The following OPA1 variants were observed in gnomAD, a reference collection of about 807,000 sequenced individuals.
The protein encoded by OPA1 is OPA1 mitochondrial dynamin like GTPase, also known as dynamin-like GTPase OPA1, mitochondrial.
In OPA1, 59 loss-of-function variants were observed where a neutral mutation model predicts 152.9. The observed-to-expected ratio is 0.39, with a 90% confidence interval of 0.31 to 0.48. The LOEUF (loss-of-function observed/expected upper bound fraction) is 0.48, where lower values mean the gene tolerates loss of function less well. Among genes scored for constraint, OPA1 ranks in the 20% least tolerant of loss-of-function variants. OPA1 has a pLI of 0.96. For synonymous variants in OPA1, 400 were observed against 389.9 expected, an observed-to-expected ratio of 1.03 and a Z score of -0.31; for missense variants, 1,008 against 1,216.8, an observed-to-expected ratio of 0.83 and a Z score of 2.55.
chr3:193,685,350 A>T (rs1233661209), intron 29 of OPA1, among the ~76,000 whole-genome samples: 1 of 151,696 alleles, frequency 6.6e-6, no homozygotes, highest in Non-Finnish European at 1.5e-5. Flanking sequence ...GGAGTTTTTT[A>T]TATATTCAGC....
chr3:193,673,119 A>G (rs1314130151), intron 29 of OPA1, among the ~76,000 whole-genome samples: 3 of 152,184 alleles, frequency 2.0e-5, no homozygotes, highest in South Asian at 2.1e-4. Flanking sequence ...ACTCGTAGGT[A>G]GTAGATGCTG....
intron 7 of OPA1, among the ~76,000 whole-genome samples, chr3:193,629,823 A>G (rs1177724106): frequency 6.6e-6 from 1 of 152,114 alleles, no homozygotes; most frequent in Non-Finnish European, 1.5e-5. Flanking sequence ...TTAGTTTTTA[A>G]GTTATTGCCC....
At chr3:193,656,610 A>C (rs940951749) in intron 22 of OPA1, among the ~76,000 whole-genome samples, 18 of 152,204 alleles carry the variant, frequency 1.2e-4, no homozygotes, top group African/African-American at 4.3e-4. Context: ...GCAGTGTGAA[A>C]GAAGCAGTCA....
chr3:193,637,823 A>G (rs1733179471), intron 10 of OPA1, 129 bp from the exon 11 acceptor site: 1 of 787,132 alleles, frequency 1.3e-6, no homozygotes, highest in South Asian at 1.5e-5. Context: ...TTTTTTACGG[A>G]TTTTAAAATA....
intron 22 of OPA1, among the ~76,000 whole-genome samples, chr3:193,655,950 A>G (rs1279112248): frequency 6.6e-6 from 1 of 152,092 alleles, no homozygotes; most frequent in Non-Finnish European, 1.5e-5. Flanking sequence ...CCCCTTTCCT[A>G]TCTTGCTCCA....
At chr3:193,627,494 C>T (rs1445965494) in intron 7 of OPA1, among the ~76,000 whole-genome samples, 1 of 152,148 alleles carries the variant, frequency 6.6e-6, no homozygotes, top group African/African-American at 2.4e-5. Flanking sequence ...GGCTGAGCCA[C>T]CTATACTTTA....
intron 6 of OPA1, among the ~76,000 whole-genome samples, chr3:193,620,327 G>A (rs76030907): frequency 0.03 from 4,586 of 152,234 alleles, 66 homozygotes; most frequent in African/African-American, 0.035. Flanking sequence ...ACCTGTCTCA[G>A]GGCCTGACTC....
At chr3:193,616,999 G>A (rs578063634) in intron 3 of OPA1, among the ~76,000 whole-genome samples, 179 bp from the exon 4 acceptor site, 30 of 152,294 alleles carry the variant, frequency 2.0e-4, no homozygotes, top group Non-Finnish European at 4.1e-4. Flanking sequence ...GCTGGAACCC[G>A]GGCTCCTCCA....
Position 193,642,790 on chromosome 3 carries a change from A to G in OPA1, c.1175A>G (p.His392Arg), listed in dbSNP as rs763830900. 6.2e-7 allele frequency: 1 copy of G among 1,613,432 alleles called. No individual in the cohort carries two copies. The highest frequency in any genetic ancestry group is 8.5e-7 in the Non-Finnish European group (1 of 1,179,396). Residue 392 changes from histidine to arginine, a missense_variant, in exon 12 of 31, where the codon CAT becomes CGT. By Grantham distance (29) the His-to-Arg change is conservative (BLOSUM62 0). This residue lies in a region of OPA1 where 213 missense variants were observed against 291.4 expected (regional missense o/e 0.73). Transcript: ENST00000361510. ...GTGACTCTGAGTGAAGGTCCTCACC[A>G]TGTGGCCCTATTTAAAGATAGTTCT... ...VKVTLSEGPH[H>R]VALFKDSSRE... is the part of the protein sequence containing the mutation.
chr3:193,660,906 A>G (rs1715125351), intron 25 of OPA1, among the ~76,000 whole-genome samples: 1 of 152,210 alleles, frequency 6.6e-6, no homozygotes, highest in Non-Finnish European at 1.5e-5. Context: ...TGATAGAGGA[A>G]GATGCATTGA....
chr3:193,599,978 C>T (rs1726215552), intron 1 of OPA1, among the ~76,000 whole-genome samples: 1 of 152,244 alleles, frequency 6.6e-6, no homozygotes, highest in Non-Finnish European at 1.5e-5. Context: ...GAACACTCAG[C>T]AGTCTATGAG....
chr3:193,624,285 C>G (rs12633929), intron 6 of OPA1: 16 of 152,290 alleles, frequency 1.1e-4, no homozygotes, highest in Admixed American at 9.8e-4. Context: ...CTCACTATTG[C>G]TCTTGACTAG....
In OPA1 at chr3:193,647,141, G is replaced by A. The variant is rs2109070417; in HGVS notation, c.1831G>A (p.Val611Ile). The A allele has an allele frequency of 6.2e-7, 1 of 1,613,366 alleles. No individual in the cohort carries two copies. ...AGTATCAGACTGCTTTTGGAAAATG[G>A]TACGAGAGTCTGTTGAACAACAGGC... ...LAVSDCFWKMVRESVEQQADS... is the reference protein window; with the variant it reads ...LAVSDCFWKMIRESVEQQADS... The change falls in exon 19 of 31, where the codon GTA becomes ATA. Residue 611 changes from valine (V) to isoleucine (I), a missense_variant. Physicochemically the swap from Val to Ile is conservative, Grantham distance 29. Transcript: ENST00000361510.
At chr3:193,635,315 T>C in intron 8 of OPA1, 103 bp from the exon 9 acceptor site, 1 of 686,962 alleles carries the variant, frequency 1.5e-6, no homozygotes, top group South Asian at 1.7e-5. Context: ...ACATTTTAAA[T>C]AGGAGATATG....
At chr3:193,676,036 C>A (rs1179236005) in intron 29 of OPA1, among the ~76,000 whole-genome samples, 2 of 152,236 alleles carry the variant, frequency 1.3e-5, no homozygotes, top group African/African-American at 4.8e-5. Flanking sequence ...TAATATCGTG[C>A]AGTCTGGCTT....
chr3:193,632,331 A>G (rs1326409372), intron 8 of OPA1, among the ~76,000 whole-genome samples: 4 of 152,150 alleles, frequency 2.6e-5, no homozygotes, highest in Non-Finnish European at 4.4e-5. Context: ...AATACAAAAA[A>G]TTAGCTGGGC....
chr3:193,665,173 T>G (rs572794201), intron 27 of OPA1, among the ~76,000 whole-genome samples, 177 bp downstream of exon 27: 2 of 152,128 alleles, frequency 1.3e-5, no homozygotes, highest in African/African-American at 4.8e-5. Context: ...TTTGCCACTT[T>G]GTTCGTGATA....
chr3:193,632,453 C>T (rs1050014246), intron 8 of OPA1, among the ~76,000 whole-genome samples: 2 of 152,098 alleles, frequency 1.3e-5, no homozygotes, highest in African/African-American at 4.8e-5. Flanking sequence ...TGCACTCCAG[C>T]CTGGGCGACA....
At position 193,668,688 on chromosome 3, in the gene OPA1, T is replaced by C. The variant is rs976481354; in HGVS notation, c.2983+1408T>C. Reference sequence around the variant, plus strand: ...CTACCAACAGCCCCATGTGAACCCATTGTAACCCAGGTCAGGCATTAACAC... The same window carrying C: ...CTACCAACAGCCCCATGTGAACCCACTGTAACCCAGGTCAGGCATTAACAC... On this transcript the variant is annotated intron_variant, in intron 29 of 30. Coordinates refer to ENST00000361510, the MANE Select transcript of OPA1 (RefSeq NM_130837.3). 13 of 1,404,782 alleles carry C rather than the reference T, an allele frequency of 9.3e-6. No individual in the cohort carries two copies. In the East Asian group the frequency reaches 1.5e-4, roughly 16 times the overall value. The allele number at this position is 1,404,782 out of a possible 1,614,324, so 87.0% of individuals were successfully genotyped here.
Sources: allele counts gnomAD v4.1 joint callset (sites outside exome capture counted in the v4.1 genomes callset), GRCh38; gene constraint gnomAD v4.1.1; regional missense constraint gnomAD v4.1.1; transcripts MANE v1.5; gene names NCBI Gene and HGNC (gene_info 2026-07-23, HGNC 2026-07-21).